The following MED12L variants were observed in gnomAD, a reference collection of about 807,000 sequenced individuals.
MED12L encodes the protein mediator complex subunit 12L, also known as mediator of RNA polymerase II transcription subunit 12-like protein.
Under a neutral mutation model 281.3 loss-of-function variants are expected in MED12L, and 60 were observed. The ratio of observed to expected loss-of-function variants is 0.21; its 90% CI spans 0.17 to 0.26. The LOEUF (loss-of-function observed/expected upper bound fraction) is 0.26, where lower values mean the gene tolerates loss of function less well. MED12L is among the 10% of genes least tolerant of loss of function. MED12L has a pLI of 1.00. For missense variants in MED12L, 2,146 were observed against 2,680.9 expected, an observed-to-expected ratio of 0.80 and a Z score of 4.41; for synonymous variants, 974 against 987.2, an observed-to-expected ratio of 0.99 and a Z score of 0.25.
In MED12L at chr3:151,294,224, A is replaced by C. The variant is rs778495312; in HGVS notation, c.2251-55835A>C. 4 of 1,613,522 alleles carry C rather than the reference A, an allele frequency of 2.5e-6. No homozygotes were observed. The Admixed American group carries it at 5.0e-5, about 20-fold the overall frequency. ...AACTTCCGATCTTCTCACACTTTGC[A>C]GTGATCTGATGCTTTCACTCCTGGT... On this transcript the variant is annotated intron_variant, in intron 16 of 44. Coordinates refer to ENST00000687756, the MANE Select transcript of MED12L (RefSeq NM_001393769.1).
chr3:151,313,450 A>G (rs1424901445), intron 16 of MED12L, among the ~76,000 whole-genome samples: 1 of 152,072 alleles, frequency 6.6e-6, no homozygotes, highest in African/African-American at 2.4e-5. Flanking sequence ...TCAAGGTCAG[A>G]GCTGTGCTCC....
At position 151,213,492 on chromosome 3, in the gene MED12L, A is replaced by G. The variant is rs773831838; in HGVS notation, c.2250+19826A>G. On this transcript the variant is annotated intron_variant, in intron 16 of 44. Transcript: ENST00000687756. ...ATAGTAGCAGAGTGAATTCTTTCATATACCGCAAGATTTCTTTTGACTGGC... is the reference window on the plus strand; with the variant it reads ...ATAGTAGCAGAGTGAATTCTTTCATGTACCGCAAGATTTCTTTTGACTGGC... 10 of 1,614,032 alleles carry G rather than the reference A, an allele frequency of 6.2e-6. No individual in the cohort carries two copies. The South Asian group carries it at 1.1e-4, about 18-fold the overall frequency.
intron 5 of MED12L, among the ~76,000 whole-genome samples, chr3:151,128,485 G>A (rs559979923): frequency 6.1e-5 from 9 of 148,640 alleles, no homozygotes; most frequent in Admixed American, 2.0e-4. Context: ...CCCCACCCCC[G>A]GCTCCCCCCC....
intron 16 of MED12L, among the ~76,000 whole-genome samples, chr3:151,326,149 C>T (rs1749561870): frequency 1.3e-5 from 2 of 152,058 alleles, no homozygotes; most frequent in African/African-American, 4.8e-5. Flanking sequence ...ACTAGTGACC[C>T]CAGGAGCACC....
intron 39 of MED12L, among the ~76,000 whole-genome samples, chr3:151,398,386 G>A (rs1228475546): frequency 6.6e-6 from 1 of 152,178 alleles, no homozygotes; most frequent in African/African-American, 2.4e-5. Context: ...AGCCTTCAGT[G>A]ATACACAATG....
At chr3:151,369,713 A>G (rs1755947401) in intron 26 of MED12L, among the ~76,000 whole-genome samples, 164 bp downstream of exon 26, 1 of 151,920 alleles carries the variant, frequency 6.6e-6, no homozygotes, top group Non-Finnish European at 1.5e-5. Context: ...AATACATCAG[A>G]CTCTGGAAGA....
chr3:151,346,228 T>C (rs6804769), intron 16 of MED12L, among the ~76,000 whole-genome samples: 60,158 of 152,014 alleles, frequency 0.4, 12,189 homozygotes, highest in African/African-American at 0.47. Flanking sequence ...TTTCTTTCCA[T>C]ATTAATCCAG....
At chr3:151,214,443 A>G (rs1408278542) in intron 16 of MED12L, 2 of 729,062 alleles carry the variant, frequency 2.7e-6, no homozygotes, top group Admixed American at 2.8e-5. Context: ...AACCTACCAA[A>G]TTTTTGAAGC....
At chr3:151,325,395 A>G (rs550741625) in intron 16 of MED12L, among the ~76,000 whole-genome samples, 5 of 152,162 alleles carry the variant, frequency 3.3e-5, no homozygotes, top group African/African-American at 1.2e-4. Flanking sequence ...CTGAGCTCAC[A>G]TATTCTATCA....
At chr3:151,380,351 C>T in intron 32 of MED12L, 127 bp downstream of exon 32, 2 of 593,502 alleles carry the variant, frequency 3.4e-6, no homozygotes, top group Non-Finnish European at 2.8e-6. Flanking sequence ...AATCCCAGCA[C>T]TTTGGGAGGC....
intron 23 of MED12L, 55 bp downstream of exon 23, chr3:151,366,046 T>C: frequency 7.3e-7 from 1 of 1,363,710 alleles, no homozygotes; most frequent in Non-Finnish European, 9.7e-7. Context: ...ATTTAGTTAG[T>C]GGGTAATCTT....
chr3:151,170,992 A>G (rs1721355699), intron 11 of MED12L, among the ~76,000 whole-genome samples: 1 of 152,216 alleles, frequency 6.6e-6, no homozygotes, highest in Admixed American at 6.5e-5. Flanking sequence ...GGATGTCAAG[A>G]TCTGCATGTA....
intron 16 of MED12L, among the ~76,000 whole-genome samples, chr3:151,348,428 C>T (rs935101132): frequency 6.6e-6 from 1 of 151,484 alleles, no homozygotes; most frequent in Non-Finnish European, 1.5e-5. Context: ...GCAAGCAGCT[C>T]AGCTCATTCA....
intron 16 of MED12L, among the ~76,000 whole-genome samples, chr3:151,221,458 A>T (rs1370046375): frequency 1.3e-5 from 2 of 152,206 alleles, no homozygotes; most frequent in African/African-American, 4.8e-5. Context: ...GCAGGCCTGG[A>T]GGCCTAGAAG....
At chr3:151,205,816 G>A (rs534929309) in intron 16 of MED12L, among the ~76,000 whole-genome samples, 3 of 152,232 alleles carry the variant, frequency 2.0e-5, no homozygotes, top group Non-Finnish European at 2.9e-5. Context: ...AGGTCAATCC[G>A]GTCCCCCTTC....
chr3:151,132,939 A>G (rs1715609038), intron 5 of MED12L, among the ~76,000 whole-genome samples: 1 of 152,238 alleles, frequency 6.6e-6, no homozygotes, highest in African/African-American at 2.4e-5. Context: ...CAGCCAAGGG[A>G]GTACACACAT....
intron 2 of MED12L, among the ~76,000 whole-genome samples, chr3:151,112,151 A>G (rs1300412163): frequency 2.0e-5 from 3 of 152,216 alleles, no homozygotes; most frequent in Non-Finnish European, 4.4e-5. Flanking sequence ...TCACAGTTTC[A>G]AAAAATTCAT....
chr3:151,356,145 A>G (rs1003477179), intron 19 of MED12L, 106 bp downstream of exon 19: 8 of 1,232,476 alleles, frequency 6.5e-6, no homozygotes, highest in Non-Finnish European at 8.9e-6. Context: ...TGTGCTTGTA[A>G]TCCTGGCACT....
chr3:151,328,975 C>T (rs759952511), intron 16 of MED12L: 20 of 1,611,848 alleles, frequency 1.2e-5, no homozygotes, highest in Non-Finnish European at 1.7e-5. Flanking sequence ...TGAAGCCTTG[C>T]ATCACTGTGG....
Sources: gnomAD v4.1 joint callset for allele counts (sites outside exome capture counted in the v4.1 genomes callset) on GRCh38, gnomAD v4.1.1 for gene constraint, MANE v1.5 for transcripts, NCBI Gene and HGNC (gene_info 2026-07-23, HGNC 2026-07-21) for gene names.